Variants in ABHD12B observed in about 807,000 individuals in gnomAD.
ABHD12B encodes the protein abhydrolase domain containing 12B, also known as protein ABHD12B.
Under a neutral mutation model 50.4 loss-of-function variants are expected in ABHD12B, and 42 were observed. The observed-to-expected ratio is 0.83, with a 90% CI of 0.65 to 1.08. ABHD12B has a LOEUF of 1.08. Ranked by LOEUF, ABHD12B falls within the 50% of genes least tolerant of loss-of-function variation. The pLI is 0.00. For synonymous variants in ABHD12B, 167 were observed against 160.3 expected (o/e 1.04, Z -0.32); for missense variants, 479 against 447.7 (o/e 1.07, Z -0.63).
intron 9 of ABHD12B, among the ~76,000 whole-genome samples, chr14:50,898,996 C>T (rs1259494570): frequency 1.3e-5 from 2 of 152,166 alleles, no homozygotes; most frequent in African/African-American, 4.8e-5. Context: ...AGTTCAAGAC[C>T]AGCCTGGCCA....
intron 1 of ABHD12B, among the ~76,000 whole-genome samples, chr14:50,876,647 T>C (rs572607339): frequency 6.6e-6 from 1 of 152,348 alleles, no homozygotes; most frequent in East Asian, 1.9e-4. Flanking sequence ...ATTATAAGAC[T>C]ATGGGATCAG....
At chr14:50,897,581 A>G (rs1373816453) in intron 9 of ABHD12B, among the ~76,000 whole-genome samples, 1 of 152,164 alleles carries the variant, frequency 6.6e-6, no homozygotes, top group African/African-American at 2.4e-5. Flanking sequence ...GTTAACAGGG[A>G]TTTCTACGGG....
At chr14:50,886,513 A>G in intron 7 of ABHD12B, 134 bp from the exon 8 acceptor site, 2 of 719,224 alleles carry the variant, frequency 2.8e-6, no homozygotes, top group South Asian at 3.7e-5. Flanking sequence ...ACCCTTTTAA[A>G]TAGCGTGCAA....
At chr14:50,891,551 G>T (rs1391541643) in intron 9 of ABHD12B, 1 of 152,104 alleles carries the variant, frequency 6.6e-6, no homozygotes, top group Non-Finnish European at 1.5e-5. Flanking sequence ...CTGATAAAGA[G>T]AGATTTCTAA....
rs59924695 is a variant in ABHD12B at position 50,887,211 on chromosome 14, C to CAAAAAAAAAAAAAAAAAAAA, written c.700+545_700+546insAAAAAAAAAAAAAAAAAAAA. On this transcript the variant is annotated intron_variant, in intron 8 of 12. Transcript: ENST00000337334. ...TGGGCGACAGAGCAAGAGTCTGTCT[C>CAAAAAAAAAAAAAAAAAAAA]AAAAAAAAAAAAAAAAAAGAGTCCT... Among the ~76,000 whole-genome samples, 2 of 43,630 alleles carry CAAAAAAAAAAAAAAAAAAAA rather than the reference C, an allele frequency of 4.6e-5. 1 individual carries two copies. Among genetic ancestry groups the CAAAAAAAAAAAAAAAAAAAA allele is most frequent in the Non-Finnish European group, 7.4e-5 (2 of 27,158 alleles). The allele number at this position is 43,630 out of a possible 152,430, so 28.6% of individuals were successfully genotyped here.
rs184506141 is a variant in ABHD12B at position 50,879,090 on chromosome 14, C to T, written c.335+243C>T. On this transcript the variant is annotated intron_variant, in intron 3 of 12. Coordinates refer to ENST00000337334, the MANE Select transcript of ABHD12B (RefSeq NM_001206673.2). ...CCTCACCCATCCCTTCTGCCTTATT[C>T]CATACCACCCTTGCCTTCATGCCCT... Among the ~76,000 whole-genome samples the T allele has an allele frequency of 1.5e-3, 231 of 152,314 alleles. 2 individuals are homozygous for T. Among genetic ancestry groups the T allele is most frequent in the African/African-American group, 4.4e-3 (182 of 41,574 alleles).
At chr14:50,901,239 G>A (rs893299446) in intron 9 of ABHD12B, among the ~76,000 whole-genome samples, 9 of 152,136 alleles carry the variant, frequency 5.9e-5, no homozygotes, top group Admixed American at 2.0e-4. Flanking sequence ...TTGTAAAAGT[G>A]GATTTAGCTA....
intron 9 of ABHD12B, 54 bp downstream of exon 9, chr14:50,888,957 T>C (rs974588282): frequency 1.4e-6 from 2 of 1,429,394 alleles, no homozygotes; most frequent in Middle Eastern, 1.8e-4. Context: ...TTTGATACAG[T>C]GTAGGCTATT....
chr14:50,896,228 C>T (rs1048187124), intron 9 of ABHD12B, among the ~76,000 whole-genome samples: 4 of 152,156 alleles, frequency 2.6e-5, no homozygotes, highest in Admixed American at 6.5e-5. Flanking sequence ...TACAGCATGG[C>T]CTTTTAAAGC....
At chr14:50,874,262 G>A (rs566513405) in intron 1 of ABHD12B, among the ~76,000 whole-genome samples, 2 of 152,184 alleles carry the variant, frequency 1.3e-5, no homozygotes, top group East Asian at 3.9e-4. Flanking sequence ...AAGGTGGGTG[G>A]GCCAAGGAGA....
At chr14:50,872,328 C>A in intron 1 of ABHD12B, 50 bp downstream of exon 1, 3 of 1,210,342 alleles carry the variant, frequency 2.5e-6, no homozygotes, top group Non-Finnish European at 3.1e-6. Flanking sequence ...GCTCAGGCTG[C>A]GCGGGGATGG....
chr14:50,885,527 T>G (rs1032942258), intron 5 of ABHD12B, 87 bp from the exon 6 acceptor site: 2 of 1,483,166 alleles, frequency 1.3e-6, no homozygotes, highest in Non-Finnish European at 1.9e-6. Context: ...GCCCTCCTTG[T>G]GATGTGATAT....
chr14:50,897,977 A>C (rs908463785), intron 9 of ABHD12B, among the ~76,000 whole-genome samples: 3 of 152,214 alleles, frequency 2.0e-5, no homozygotes, highest in Non-Finnish European at 4.4e-5. Flanking sequence ...CTTTGCTCAC[A>C]GGTGTGGCCA....
intron 4 of ABHD12B, 132 bp from the exon 5 acceptor site, chr14:50,881,464 T>C: frequency 1.1e-6 from 1 of 919,096 alleles, no homozygotes; most frequent in Non-Finnish European, 1.6e-6. Flanking sequence ...TTCTCCTAGT[T>C]ATTTATTCCT....
chr14:50,889,775 T>C (rs1245059732), intron 9 of ABHD12B, among the ~76,000 whole-genome samples: 1 of 152,192 alleles, frequency 6.6e-6, no homozygotes, highest in African/African-American at 2.4e-5. Flanking sequence ...AGAGCGAAAG[T>C]CTTAGAGGGA....
At chr14:50,901,716 C>T in intron 9 of ABHD12B, 113 bp from the exon 10 acceptor site, 2 of 526,210 alleles carry the variant, frequency 3.8e-6, no homozygotes, top group Non-Finnish European at 3.1e-6. Flanking sequence ...TGAAGTTTAC[C>T]TTACTTAGAG....
intron 9 of ABHD12B, among the ~76,000 whole-genome samples, chr14:50,899,927 A>C (rs984263710): frequency 2.0e-5 from 3 of 151,956 alleles, no homozygotes; most frequent in African/African-American, 7.3e-5. Flanking sequence ...GTCTAAAAAA[A>C]AAAAAAAGAA....
chr14:50,878,616 C>T (rs2049895014), intron 2 of ABHD12B, 129 bp from the exon 3 acceptor site: 1 of 719,270 alleles, frequency 1.4e-6, no homozygotes, highest in East Asian at 2.7e-5. Flanking sequence ...AAATACTCTG[C>T]TAGGAGTTTA....
intron 3 of ABHD12B, among the ~76,000 whole-genome samples, chr14:50,879,405 G>T (rs550921820): frequency 2.6e-5 from 4 of 152,224 alleles, no homozygotes; most frequent in African/African-American, 9.6e-5. Flanking sequence ...GCTTCAGCAG[G>T]TGATAGACTT....
Sources: gnomAD v4.1 joint callset for allele counts (sites outside exome capture counted in the v4.1 genomes callset) on GRCh38, gnomAD v4.1.1 for gene constraint, MANE v1.5 for transcripts, NCBI Gene and HGNC (gene_info 2026-07-23, HGNC 2026-07-21) for gene names.